Variants in MTMR7 observed in about 807,000 individuals in gnomAD.
The protein encoded by MTMR7 is myotubularin related protein 7, also known as phosphatidylinositol-3-phosphate phosphatase MTMR7.
Under a neutral mutation model 81.2 loss-of-function variants are expected in MTMR7, and 76 were observed. The ratio of observed to expected loss-of-function variants is 0.94; its 90% CI spans 0.78 to 1.13. The LOEUF is 1.13. MTMR7 is among the 50% of genes most tolerant of loss of function. The pLI is 0.00. For missense variants in MTMR7, 1,044 were observed against 820.0 expected, an observed-to-expected ratio of 1.27 and a Z score of -3.34; for synonymous variants, 372 against 289.8, an observed-to-expected ratio of 1.28 and a Z score of -2.88.
At chr8:17,344,143 A>G (rs1819486806) in intron 5 of MTMR7, among the ~76,000 whole-genome samples, 1 of 152,228 alleles carries the variant, frequency 6.6e-6, no homozygotes, top group Admixed American at 6.5e-5. Context: ...TCCACTTGAT[A>G]CATGAAGTGA....
intron 4 of MTMR7, among the ~76,000 whole-genome samples, chr8:17,355,673 G>A (rs1819869265): frequency 6.6e-6 from 1 of 151,758 alleles, no homozygotes; most frequent in South Asian, 2.1e-4. Context: ...AATCTCCTGA[G>A]ACAAGATATC....
At chr8:17,339,736 G>A (rs1247381434) in intron 6 of MTMR7, among the ~76,000 whole-genome samples, 1 of 152,116 alleles carries the variant, frequency 6.6e-6, no homozygotes, top group Non-Finnish European at 1.5e-5. Flanking sequence ...GTGGACATAA[G>A]TTTTCATTTC....
At chr8:17,357,463 A>G (rs1819928905) in intron 4 of MTMR7, among the ~76,000 whole-genome samples, 2 of 152,222 alleles carry the variant, frequency 1.3e-5, no homozygotes, top group Non-Finnish European at 2.9e-5. Context: ...ATGCAAAACA[A>G]TACCACATAC....
At chr8:17,397,601 G>A (rs957164028) in intron 1 of MTMR7, among the ~76,000 whole-genome samples, 1 of 152,040 alleles carries the variant, frequency 6.6e-6, no homozygotes, top group South Asian at 2.1e-4. Flanking sequence ...TCCAATCCTT[G>A]GCTCCCAGAC....
chr8:17,342,274 T>C (rs1013605520), intron 5 of MTMR7, among the ~76,000 whole-genome samples: 1 of 152,216 alleles, frequency 6.6e-6, no homozygotes, highest in Non-Finnish European at 1.5e-5. Context: ...AGTACTTTCA[T>C]GGATTTAGGT....
At chr8:17,338,151 G>A (rs2239880) in intron 6 of MTMR7, among the ~76,000 whole-genome samples, 10,743 of 152,256 alleles carry the variant, frequency 0.071, 720 homozygotes, top group East Asian at 0.31. Context: ...AAGTGTGCGT[G>A]CATGGATAAA....
At chr8:17,307,375 G>C (rs1477017522) in intron 10 of MTMR7, among the ~76,000 whole-genome samples, 3 of 152,170 alleles carry the variant, frequency 2.0e-5, no homozygotes, top group African/African-American at 7.2e-5. Context: ...TCATTAAAAA[G>C]TCAGGAAACA....
chr8:17,331,562 C>T (rs1322037349), intron 6 of MTMR7, among the ~76,000 whole-genome samples: 1 of 152,206 alleles, frequency 6.6e-6, no homozygotes, highest in Non-Finnish European at 1.5e-5. Context: ...CTTGCAGTCC[C>T]CGTCAGAGAT....
intron 1 of MTMR7, among the ~76,000 whole-genome samples, chr8:17,395,573 C>T (rs1481677986): frequency 6.6e-6 from 1 of 152,192 alleles, no homozygotes; most frequent in African/African-American, 2.4e-5. Context: ...ACAACCTTTG[C>T]CAACACTTGT....
intron 3 of MTMR7, among the ~76,000 whole-genome samples, chr8:17,362,685 G>A (rs575861486): frequency 2.6e-5 from 4 of 152,104 alleles, no homozygotes; most frequent in Admixed American, 2.0e-4. Flanking sequence ...TAATCTTCCT[G>A]TTTTTCTCCA....
At chr8:17,383,405 TC>T (rs1820822789) in intron 1 of MTMR7, among the ~76,000 whole-genome samples, 1 of 152,160 alleles carries the variant, frequency 6.6e-6, no homozygotes, top group Non-Finnish European at 1.5e-5. Flanking sequence ...CTAGGTATTA[TC>T]CACATGCTAC....
Position 17,309,319 on chromosome 8 carries a change from A to C in MTMR7, c.1109T>G (p.Ile370Ser). Reference protein sequence around the residue: ...YRTLKGFMVLIEKDWISFGHK... With the variant: ...YRTLKGFMVLSEKDWISFGHK... ...ACCAAAGGAAATCCAGTCCTTTTCA[A>C]TTAATACCTACACAAGAAAGAATAC... Residue 370 changes from isoleucine (I) to serine (S), a missense_variant, in exon 10 of 14, where the codon ATT becomes AGT. By Grantham distance (142) the Ile-to-Ser change is moderately radical. Transcript: ENST00000180173. The C allele has an allele frequency of 6.4e-7, 1 of 1,560,918 alleles. No individual in the cohort carries two copies. Among genetic ancestry groups the C allele is most frequent in the East Asian group, 2.2e-5 (1 of 44,650 alleles).
At chr8:17,360,331 C>A (rs929840964) in intron 4 of MTMR7, among the ~76,000 whole-genome samples, 2 of 152,022 alleles carry the variant, frequency 1.3e-5, no homozygotes, top group Non-Finnish European at 2.9e-5. Context: ...TGATTTAATA[C>A]CCTTTTGCTC....
intron 7 of MTMR7, chr8:17,326,455 C>G (rs1818684679): frequency 6.6e-6 from 1 of 152,298 alleles, no homozygotes; most frequent in East Asian, 1.9e-4. Context: ...ATATAATGAT[C>G]CTTGTGGTCA....
At chr8:17,371,366 C>T (rs1017414243) in intron 2 of MTMR7, among the ~76,000 whole-genome samples, 167 bp from the exon 3 acceptor site, 2 of 152,208 alleles carry the variant, frequency 1.3e-5, no homozygotes, top group Non-Finnish European at 2.9e-5. Context: ...CAGGTAAGAA[C>T]CAACTTCCTA....
chr8:17,369,422 G>A (rs1212433885), intron 3 of MTMR7, among the ~76,000 whole-genome samples: 3 of 152,170 alleles, frequency 2.0e-5, no homozygotes, highest in East Asian at 1.9e-4. Flanking sequence ...AAAGAATATG[G>A]ACAAATCATA....
At chr8:17,387,742 G>A (rs1025450469) in intron 1 of MTMR7, among the ~76,000 whole-genome samples, 1 of 152,096 alleles carries the variant, frequency 6.6e-6, no homozygotes, top group Non-Finnish European at 1.5e-5. Flanking sequence ...ATACTGATCA[G>A]AGAAAAATAT....
intron 7 of MTMR7, among the ~76,000 whole-genome samples, chr8:17,325,133 ACAG>A: frequency 6.6e-6 from 1 of 152,154 alleles, no homozygotes; most frequent in Admixed American, 6.5e-5. Context: ...ACCGACAGCC[ACAG>A]CCTCTCCTCT....
chr8:17,374,717 G>A (rs1246508689), intron 1 of MTMR7, among the ~76,000 whole-genome samples: 1 of 152,154 alleles, frequency 6.6e-6, no homozygotes, highest in Non-Finnish European at 1.5e-5. Flanking sequence ...GGAGGCTGAG[G>A]CAGGAAAATC....
Sources: gnomAD v4.1 joint callset for allele counts (sites outside exome capture counted in the v4.1 genomes callset) on GRCh38, gnomAD v4.1.1 for gene constraint, MANE v1.5 for transcripts, NCBI Gene and HGNC (gene_info 2026-07-23, HGNC 2026-07-21) for gene names.